Variants in RTTN observed in about 807,000 individuals in gnomAD.
RTTN encodes rotatin.
RTTN carries 182 observed loss-of-function variants against 269.2 expected under a neutral mutation model. The ratio of observed to expected loss-of-function variants is 0.68; its 90% confidence interval spans 0.60 to 0.76. The LOEUF is 0.76. Among genes scored for constraint, RTTN ranks in the 30% least tolerant of loss-of-function variants. RTTN has a pLI of 0.00. For synonymous variants in RTTN, 1,006 were observed against 963.5 expected (o/e 1.04, Z -0.82); for missense variants, 2,545 against 2,608.6 (o/e 0.98, Z 0.53).
In RTTN at chr18:70,128,565, A is replaced by G; in HGVS notation, c.2955-19T>C. 2 of 1,601,140 alleles carry G rather than the reference A, an allele frequency of 1.2e-6. No individual in the cohort carries two copies. Among genetic ancestry groups the G allele is most frequent in the Non-Finnish European group, 8.5e-7 (1 of 1,170,514 alleles). On this transcript the variant is annotated intron_variant, in intron 23 of 48. Transcript: ENST00000640769. ...ATGGTACCTAAAGAAAATGTGTACA[A>G]ATAATTACAAACTTTCAAATTCTTA...
chr18:70,187,070 C>A (rs1218991208), intron 10 of RTTN, among the ~76,000 whole-genome samples: 2 of 152,124 alleles, frequency 1.3e-5, no homozygotes, highest in African/African-American at 2.4e-5. Flanking sequence ...TAGAGACATA[C>A]CTGCACATTT....
At chr18:70,113,852 A>G (rs1484901043) in intron 27 of RTTN, among the ~76,000 whole-genome samples, 1 of 152,190 alleles carries the variant, frequency 6.6e-6, no homozygotes, top group African/African-American at 2.4e-5. Context: ...ATCCACAGAC[A>G]TAGAAAGAAG....
intron 13 of RTTN, 151 bp from the exon 14 acceptor site, chr18:70,166,339 A>C: frequency 1.5e-6 from 1 of 660,902 alleles, no homozygotes. Flanking sequence ...TACTCACCTA[A>C]GCACTTATTT....
rs561691709 is a variant in RTTN at position 70,055,577 on chromosome 18, T to C, written c.5032-1293A>G. ...TTCAGTTTGTGAAATTTAATTTGTT[T>C]ACTGCCGTGAAGTCTTGAGACTTCA... is the stretch of plus-strand genomic sequence containing the variant. On this transcript the variant is annotated intron_variant, in intron 37 of 48. Transcript: ENST00000640769. Among the ~76,000 whole-genome samples, 162 of 152,278 alleles carry C rather than the reference T, an allele frequency of 1.1e-3. 2 individuals are homozygous for C. The highest frequency in any genetic ancestry group is 0.01 in the South Asian group (49 of 4,822).
In RTTN at chr18:70,134,518, G is replaced by A. The variant is rs765678084; in HGVS notation, c.2909C>T (p.Pro970Leu). 5.6e-6 allele frequency: 9 copies of A among 1,609,266 alleles called. No homozygotes were observed. The highest frequency in any genetic ancestry group is 5.1e-5 in the Admixed American group (3 of 59,388). ...CAAACTGAAGACCGATGGCAAAGAA[G>A]GTTTATTGGAAGGATTAACAGACCT... ...DMWSVNPSNK[P>L]SLPSVFSLPV... Residue 970 changes from proline (P) to leucine (L), a missense_variant, in exon 23 of 49, where the codon CCT (proline) becomes CTT (leucine). Pro to Leu is a moderately conservative substitution (Grantham distance 98). Transcript: ENST00000640769.
At chr18:70,130,875 G>A (rs2059981108) in intron 23 of RTTN, 1 of 151,878 alleles carries the variant, frequency 6.6e-6, no homozygotes, top group Non-Finnish European at 1.5e-5. Flanking sequence ...TACATTGTAT[G>A]CTTATATCAA....
chr18:70,084,979 T>G (rs116336848), intron 32 of RTTN, among the ~76,000 whole-genome samples: 1 of 152,306 alleles, frequency 6.6e-6, no homozygotes, highest in South Asian at 2.1e-4. Context: ...GGTTCTGTAT[T>G]ACAACATAAT....
At chr18:70,067,138 A>G (rs76475139) in intron 34 of RTTN, among the ~76,000 whole-genome samples, 9,063 of 150,588 alleles carry the variant, frequency 0.06, 319 homozygotes, top group African/African-American at 0.099. Context: ...CCAGATACTA[A>G]GTAAAAATAA....
chr18:70,129,016 G>C (rs1243911784), intron 23 of RTTN: 2 of 152,660 alleles, frequency 1.3e-5, no homozygotes, highest in Non-Finnish European at 2.9e-5. Flanking sequence ...TATGATCATA[G>C]AGGTCACTAA....
Position 70,127,742 on chromosome 18 carries a change from C to T in RTTN, c.3144-1G>A. ...AGATAACTTCAATGCATCTAAAATTCTAGACAAAAAGAAAAAAAATGAAGG... is the reference window on the plus strand; with the variant it reads ...AGATAACTTCAATGCATCTAAAATTTTAGACAAAAAGAAAAAAAATGAAGG... On this transcript the variant is annotated splice_acceptor_variant, in intron 24 of 48. Coordinates refer to ENST00000640769, the MANE Select transcript of RTTN (RefSeq NM_173630.4). LOFTEE classifies it high-confidence loss of function. The T allele has an allele frequency of 6.2e-7, 1 of 1,601,602 alleles. No homozygotes were observed. Among genetic ancestry groups the T allele is most frequent in the Non-Finnish European group, 8.5e-7 (1 of 1,172,710 alleles).
At position 70,139,647 on chromosome 18, in the gene RTTN, G is replaced by C. The variant is rs368507282; in HGVS notation, c.2740C>G (p.Arg914Gly). The part of the protein sequence containing the change: ...RKVLCGDPVM[R>G]VSLSQQSSLL... ...GAAGACTGTTGCGAGAGCGAAACAC[G>C]CATGACTGGATCACCACATAAAACC... Residue 914 changes from arginine to glycine, a missense_variant, in exon 21 of 49, where the codon CGT (arginine) becomes GGT (glycine). Physicochemically the swap from Arg to Gly is moderately radical, Grantham distance 125 (BLOSUM62 -2). Coordinates refer to ENST00000640769, the MANE Select transcript of RTTN (RefSeq NM_173630.4). 1 of 1,613,296 alleles carries C rather than the reference G, an allele frequency of 6.2e-7. No individual in the cohort carries two copies. Among genetic ancestry groups the C allele is most frequent in the East Asian group, 2.2e-5 (1 of 44,842 alleles).
chr18:70,148,358 CCTT>C (rs1476103937), intron 17 of RTTN, among the ~76,000 whole-genome samples: 1 of 152,148 alleles, frequency 6.6e-6, no homozygotes, highest in Non-Finnish European at 1.5e-5. Context: ...GTATCATTCT[CCTT>C]CTTTTCATTA....
At chr18:70,192,852 T>A (rs111232564) in intron 8 of RTTN, among the ~76,000 whole-genome samples, 7 of 152,204 alleles carry the variant, frequency 4.6e-5, no homozygotes, top group African/African-American at 1.7e-4. Context: ...AATGTATCTA[T>A]CATTTAAAGC....
At chr18:70,043,718 C>T (rs938002729) in intron 40 of RTTN, among the ~76,000 whole-genome samples, 21 of 152,084 alleles carry the variant, frequency 1.4e-4, no homozygotes, top group African/African-American at 5.1e-4. Context: ...CAAACCAAAA[C>T]CAAACAGACA....
Position 70,191,367 on chromosome 18 carries a change from T to C in RTTN, c.1008-648A>G, listed in dbSNP as rs541525317. Among the ~76,000 whole-genome samples the C allele has an allele frequency of 2.0e-5, 3 of 152,292 alleles. No individual in the cohort carries two copies. The East Asian group carries it at 5.8e-4, about 29-fold the overall frequency. ...GCAGATTTATAGGAAAGCTCTTCTG[T>C]AATCAACGTGTAGAGACAAAACCAA... On this transcript the variant is annotated intron_variant, in intron 8 of 48. Transcript: ENST00000640769.
chr18:70,094,250 C>G lies in RTTN; in HGVS notation c.3904-1446G>C, dbSNP rs145323452. 4.4e-4 allele frequency among the ~76,000 whole-genome samples: 67 copies of G among 152,190 alleles called. 4 individuals carry two copies. The East Asian group carries it at 0.013, about 29-fold the overall frequency. On this transcript the variant is annotated intron_variant, in intron 28 of 48. Coordinates refer to ENST00000640769, the MANE Select transcript of RTTN (RefSeq NM_173630.4). ...GTTGATCTTTTCCAAAACACCAGCT[C>G]CTGGATTCATTGATTTTTTTTGAAG...
chr18:70,197,879 T>C, intron 5 of RTTN, 141 bp from the exon 6 acceptor site: 2 of 615,656 alleles, frequency 3.2e-6, no homozygotes, highest in Non-Finnish European at 2.9e-6. Context: ...TTCCTAGATC[T>C]TTTCCCTAAC....
rs766116352 is a variant in RTTN at position 70,142,285 on chromosome 18, T to C, written c.2581+3A>G. The C allele has an allele frequency of 1.3e-6, 2 of 1,563,030 alleles. No individual in the cohort carries two copies. The highest frequency in any genetic ancestry group is 2.2e-5 in the East Asian group (1 of 44,612). On this transcript the variant is annotated splice_donor_region_variant and intron_variant, in intron 19 of 48. Coordinates refer to ENST00000640769, the MANE Select transcript of RTTN (RefSeq NM_173630.4). The stretch of plus-strand genomic sequence containing the variant: ...AGCAATCATTTCCCTTAAAAGACAT[T>C]ACCTTGCATAATCACAGCTAACTGT...
intron 30 of RTTN, among the ~76,000 whole-genome samples, chr18:70,091,282 C>T (rs1481797294): frequency 2.0e-5 from 3 of 152,098 alleles, no homozygotes; most frequent in African/African-American, 2.4e-5. Context: ...AACTGAATTG[C>T]GTCCCTCCAA....
Sources: gnomAD v4.1 joint callset for allele counts (sites outside exome capture counted in the v4.1 genomes callset) on GRCh38, gnomAD v4.1.1 for gene constraint, MANE v1.5 for transcripts, NCBI Gene and HGNC (gene_info 2026-07-23, HGNC 2026-07-21) for gene names.